The following RAD51B variants were observed in gnomAD, a reference collection of about 807,000 sequenced individuals.
RAD51B encodes the protein RAD51 paralog B.
Under a neutral mutation model 42.2 loss-of-function variants are expected in RAD51B, and 38 were observed. The observed-to-expected ratio is 0.90, with a 90% CI of 0.70 to 1.18. The LOEUF (loss-of-function observed/expected upper bound fraction) is 1.18. RAD51B is among the 50% of genes most tolerant of loss of function. The pLI, the probability that RAD51B is intolerant of heterozygous loss-of-function variation, is 0.00. For missense variants in RAD51B, 373 were observed against 400.7 expected, an observed-to-expected ratio of 0.93 and a Z score of 0.59; for synonymous variants, 154 against 145.2, an observed-to-expected ratio of 1.06 and a Z score of -0.43.
chr14:68,330,691 A>G (rs756445997), intron 8 of RAD51B, among the ~76,000 whole-genome samples: 26 of 152,252 alleles, frequency 1.7e-4, no homozygotes, highest in Non-Finnish European at 3.2e-4. Context: ...CATATCAGAA[A>G]AAAATCAAAA....
chr14:68,185,246 A>G (rs2079134754), intron 7 of RAD51B, among the ~76,000 whole-genome samples: 2 of 152,330 alleles, frequency 1.3e-5, no homozygotes, highest in Middle Eastern at 3.4e-3. Flanking sequence ...CGCATTGAAA[A>G]ATAAATAATA....
chr14:68,082,382 G>A (rs1283081802), intron 7 of RAD51B, among the ~76,000 whole-genome samples: 2 of 152,004 alleles, frequency 1.3e-5, no homozygotes, highest in Admixed American at 6.6e-5. Flanking sequence ...TCCCAATTCC[G>A]CAAGCCATCT....
intron 8 of RAD51B, among the ~76,000 whole-genome samples, chr14:68,331,229 G>T (rs138362292): frequency 0.052 from 7,807 of 151,502 alleles, 600 homozygotes; most frequent in African/African-American, 0.17. Context: ...GGGCATGGTG[G>T]CGCGTGCCTA....
intron 7 of RAD51B, among the ~76,000 whole-genome samples, chr14:68,140,263 CA>C (rs1479452459): frequency 6.6e-6 from 1 of 152,152 alleles, no homozygotes; most frequent in Non-Finnish European, 1.5e-5. Context: ...TTAAGGAGCC[CA>C]GACAAAAATC....
chr14:68,595,102 C>A, exon 11 of RAD51B: 1 of 1,067,126 alleles, frequency 9.4e-7, no homozygotes, highest in South Asian at 4.5e-5. Flanking sequence ...AGATGAACCA[C>A]AGCATTTTGG....
At chr14:67,875,519 T>A (rs1158301233) in intron 5 of RAD51B, among the ~76,000 whole-genome samples, 1 of 152,230 alleles carries the variant, frequency 6.6e-6, no homozygotes, top group African/African-American at 2.4e-5. Flanking sequence ...TATTAAAGTT[T>A]AGATACAAAG....
intron 7 of RAD51B, among the ~76,000 whole-genome samples, chr14:67,959,218 T>A (rs2074609029): frequency 6.6e-6 from 1 of 152,160 alleles, no homozygotes; most frequent in Non-Finnish European, 1.5e-5. Flanking sequence ...TTAGAATGTT[T>A]GTGTTTGATT....
intron 7 of RAD51B, among the ~76,000 whole-genome samples, chr14:68,278,792 A>C (rs2081269522): frequency 6.6e-6 from 1 of 152,226 alleles, no homozygotes; most frequent in Non-Finnish European, 1.5e-5. Context: ...TATGGAATAC[A>C]GCAAAACCCA....
intron 7 of RAD51B, among the ~76,000 whole-genome samples, chr14:68,078,052 A>G (rs1252948720): frequency 1.3e-5 from 2 of 152,242 alleles, no homozygotes; most frequent in African/African-American, 2.4e-5. Context: ...TATTCTAGGC[A>G]TGTCATATAT....
chr14:68,167,239 A>G (rs1449493313), intron 7 of RAD51B, among the ~76,000 whole-genome samples: 1 of 152,142 alleles, frequency 6.6e-6, no homozygotes, highest in African/African-American at 2.4e-5. Context: ...AGTCACACTG[A>G]AAGTTTGTGG....
chr14:68,201,296 A>C (rs1371572236), intron 7 of RAD51B, among the ~76,000 whole-genome samples: 1 of 152,180 alleles, frequency 6.6e-6, no homozygotes, highest in Non-Finnish European at 1.5e-5. Flanking sequence ...GCATGGTTTT[A>C]TTTTTAAGTA....
At chr14:68,667,869 C>G (rs529048488) in intron 11 of RAD51B, among the ~76,000 whole-genome samples, 3 of 152,178 alleles carry the variant, frequency 2.0e-5, no homozygotes, top group Admixed American at 2.0e-4. Context: ...CCGTGGATCC[C>G]CAAAAACTAA....
chr14:68,294,874 TTGTC>T (rs1310312060), intron 8 of RAD51B, among the ~76,000 whole-genome samples: 4 of 152,216 alleles, frequency 2.6e-5, no homozygotes, highest in Admixed American at 6.5e-5. Context: ...ACTTCTGGTC[TTGTC>T]TGTCTGTCTC....
At chr14:68,178,289 T>A (rs2140876776) in intron 7 of RAD51B, among the ~76,000 whole-genome samples, 1 of 152,336 alleles carries the variant, frequency 6.6e-6, no homozygotes, top group African/African-American at 2.4e-5. Context: ...TCTGAAGCTA[T>A]AGGAAAAAGA....
chr14:68,002,867 A>G (rs1179544682), intron 7 of RAD51B, among the ~76,000 whole-genome samples: 1 of 152,008 alleles, frequency 6.6e-6, no homozygotes, highest in African/African-American at 2.4e-5. Context: ...TGGGTTCTCT[A>G]TTCTGTTCCA....
intron 9 of RAD51B, among the ~76,000 whole-genome samples, chr14:68,422,784 C>T (rs1413614184): frequency 2.6e-5 from 4 of 152,008 alleles, no homozygotes; most frequent in Admixed American, 6.6e-5. Context: ...TGATTTCTGC[C>T]GCTGTAAATA....
intron 5 of RAD51B, 87 bp downstream of exon 5, chr14:67,865,226 A>G (rs879062501): frequency 8.7e-7 from 1 of 1,150,222 alleles, no homozygotes; most frequent in Non-Finnish European, 1.1e-6. Flanking sequence ...AACATTTACC[A>G]CCCCTCCCCC....
intron 7 of RAD51B, among the ~76,000 whole-genome samples, chr14:68,092,612 G>A (rs1445617762): frequency 2.0e-5 from 3 of 152,066 alleles, no homozygotes; most frequent in African/African-American, 7.2e-5. Flanking sequence ...GCGACGATGG[G>A]GTTTTCTAGA....
At chr14:68,413,983 G>C (rs914350781) in intron 9 of RAD51B, among the ~76,000 whole-genome samples, 1 of 152,100 alleles carries the variant, frequency 6.6e-6, no homozygotes, top group East Asian at 1.9e-4. Context: ...CAGGGATCAA[G>C]GTTATGGGAT....
Sources: gnomAD v4.1 joint callset for allele counts (sites outside exome capture counted in the v4.1 genomes callset) on GRCh38, gnomAD v4.1.1 for gene constraint, MANE v1.5 for transcripts, NCBI Gene and HGNC (gene_info 2026-07-23, HGNC 2026-07-21) for gene names.